The following PFKP variants were observed in gnomAD, a reference collection of about 807,000 sequenced individuals.
The protein encoded by PFKP is ATP-dependent 6-phosphofructokinase, platelet type.
Under a neutral mutation model 94.3 loss-of-function variants are expected in PFKP, and 101 were observed. The ratio of observed to expected loss-of-function variants is 1.07; its 90% CI spans 0.91 to 1.26. The LOEUF (loss-of-function observed/expected upper bound fraction) is 1.26, where lower values mean the gene tolerates loss of function less well. PFKP is among the 50% of genes most tolerant of loss of function. The pLI, the probability that PFKP is intolerant of heterozygous loss-of-function variation, is 0.00. For missense variants in PFKP, 1,145 were observed against 1,103.3 expected, an observed-to-expected ratio of 1.04 and a Z score of -0.53; for synonymous variants, 573 against 432.6, an observed-to-expected ratio of 1.32 and a Z score of -4.03.
intron 2 of PFKP, among the ~76,000 whole-genome samples, chr10:3,087,343 A>G (rs1000300602): frequency 6.6e-6 from 1 of 152,060 alleles, no homozygotes. Flanking sequence ...AGGCCCATCC[A>G]TGTGACTCCA....
intron 2 of PFKP, among the ~76,000 whole-genome samples, chr10:3,083,022 T>A (rs2131425733): frequency 6.6e-6 from 1 of 152,370 alleles, no homozygotes; most frequent in African/African-American, 2.4e-5. Flanking sequence ...CAAAAGGCCA[T>A]GTTGATATCA....
intron 16 of PFKP, among the ~76,000 whole-genome samples, chr10:3,127,745 CCTG>C: frequency 6.6e-6 from 1 of 152,132 alleles, no homozygotes; most frequent in Non-Finnish European, 1.5e-5. Flanking sequence ...CTTCCCATTG[CCTG>C]TTTCTCTCCC....
At chr10:3,102,546 T>A (rs1835121509) in intron 4 of PFKP, among the ~76,000 whole-genome samples, 1 of 152,068 alleles carries the variant, frequency 6.6e-6, no homozygotes, top group South Asian at 2.1e-4. Flanking sequence ...CCCAAGCAGC[T>A]GGGATTACAG....
chr10:3,099,389 TAG>T, intron 3 of PFKP, 37 bp downstream of exon 3: 1 of 1,498,708 alleles, frequency 6.7e-7, no homozygotes. Flanking sequence ...TTCTCTGAGT[TAG>T]AGACTCTTTT....
intron 2 of PFKP, among the ~76,000 whole-genome samples, chr10:3,093,638 C>CTTTTTTTTTTT (rs765547765): frequency 1.4e-4 from 13 of 94,062 alleles, no homozygotes; most frequent in African/African-American, 6.1e-4. Flanking sequence ...CAAGCATTAT[C>CTTTTTTTTTTT]TTTTTTTTTT....
chr10:3,109,895 GA>G lies in PFKP; in HGVS notation c.1089+416del, dbSNP rs1200022555. On this transcript the variant is annotated intron_variant, in intron 10 of 21. Transcript: ENST00000381125. ...GGGCGTGAGAGAGACCCATGGGGCA[GA>G]GGGGGCAGGGAGGCAGGGAGGCGGG... Among the ~76,000 whole-genome samples, 4 of 151,796 alleles carry G rather than the reference GA, an allele frequency of 2.6e-5. No individual in the cohort carries two copies. The South Asian group carries it at 6.3e-4, about 24-fold the overall frequency.
intron 21 of PFKP, 83 bp from the exon 22 acceptor site, chr10:3,136,367 A>G (rs1839340107): frequency 2.0e-6 from 3 of 1,471,250 alleles, no homozygotes; most frequent in East Asian, 2.3e-5. Flanking sequence ...GTTTCTGGCA[A>G]GACCGCTCGC....
At chr10:3,073,811 C>T (rs1335131188) in intron 1 of PFKP, among the ~76,000 whole-genome samples, 1 of 151,590 alleles carries the variant, frequency 6.6e-6, no homozygotes, top group Non-Finnish European at 1.5e-5. Context: ...GATTTTATTT[C>T]TGTGTGTGTG....
chr10:3,110,359 T>C (rs953844825), intron 10 of PFKP, among the ~76,000 whole-genome samples: 5 of 131,166 alleles, frequency 3.8e-5, no homozygotes, highest in Admixed American at 2.5e-4. Context: ...CCACCACGCC[T>C]GGCTAATTTT....
rs575081660 is a variant in PFKP, at chr10:3,129,780, G to C, written c.1684-39G>C. 216 of 1,608,508 alleles carry C rather than the reference G, an allele frequency of 1.3e-4. 1 individual carries two copies. In the South Asian group the frequency reaches 2.3e-3, roughly 17 times the overall value. Reference sequence around the variant, plus strand: ...GCTCTGGGATGGTGGGCGCGCCCCGGGCCTGGGCTGGAGTGACTGATCGCT... The same window carrying C: ...GCTCTGGGATGGTGGGCGCGCCCCGCGCCTGGGCTGGAGTGACTGATCGCT... On this transcript the variant is annotated intron_variant, in intron 16 of 21. Coordinates refer to ENST00000381125, the MANE Select transcript of PFKP (RefSeq NM_002627.5).
At chr10:3,100,053 T>TTTG (rs1834841645) in intron 3 of PFKP, among the ~76,000 whole-genome samples, 1 of 124,312 alleles carries the variant, frequency 8.0e-6, no homozygotes, top group Non-Finnish European at 1.6e-5. Flanking sequence ...TGTGTAGGTG[T>TTTG]GTGGTGTGTG....
intron 9 of PFKP, among the ~76,000 whole-genome samples, chr10:3,109,118 C>A (rs910055688): frequency 1.3e-5 from 2 of 152,182 alleles, no homozygotes; most frequent in African/African-American, 4.8e-5. Context: ...GCAGGAATCC[C>A]AAGTACAAAC....
At chr10:3,092,229 C>A (rs1281526019) in intron 2 of PFKP, among the ~76,000 whole-genome samples, 1 of 152,230 alleles carries the variant, frequency 6.6e-6, no homozygotes, top group Non-Finnish European at 1.5e-5. Flanking sequence ...ATCTTAGCTT[C>A]CCTTGTTTCA....
chr10:3,077,175 G>A (rs1023768347), intron 1 of PFKP, among the ~76,000 whole-genome samples: 2 of 151,480 alleles, frequency 1.3e-5, no homozygotes, highest in Admixed American at 1.3e-4. Flanking sequence ...GAGGCAGGGA[G>A]CTTTATTACT....
intron 1 of PFKP, among the ~76,000 whole-genome samples, chr10:3,081,016 G>C (rs1833026416): frequency 6.6e-6 from 1 of 152,200 alleles, no homozygotes; most frequent in African/African-American, 2.4e-5. Flanking sequence ...ATGGCCACTA[G>C]TTAATCAGTA....
intron 10 of PFKP, among the ~76,000 whole-genome samples, chr10:3,110,914 TTG>T (rs879664010): frequency 1.3e-5 from 2 of 150,670 alleles, no homozygotes; most frequent in South Asian, 4.2e-4. Flanking sequence ...GCATGCATGT[TTG>T]TACGTGTGTG....
In PFKP at chr10:3,116,483, C is replaced by T. The variant is rs377034807; in HGVS notation, c.1372-293C>T. ...ATCATGTTACTTTTCTTTTAGTTGC[C>T]GGTGGCGGGATACGGTGAGCTGATG... On this transcript the variant is annotated intron_variant, in intron 13 of 21. Coordinates refer to ENST00000381125, the MANE Select transcript of PFKP (RefSeq NM_002627.5). Among the ~76,000 whole-genome samples the T allele has an allele frequency of 6.6e-5, 10 of 152,040 alleles. No individual in the cohort carries two copies. In the South Asian group the frequency reaches 8.3e-4, roughly 13 times the overall value.
intron 4 of PFKP, 78 bp downstream of exon 4, chr10:3,101,632 C>A: frequency 9.5e-7 from 1 of 1,050,454 alleles, no homozygotes; most frequent in Non-Finnish European, 1.3e-6. Flanking sequence ...TTTCCCTCTT[C>A]ACTGTGGCAG....
At chr10:3,081,710 TATGATACATTGTAAGCAGACTTATATG>T (rs1238930115) in intron 1 of PFKP, among the ~76,000 whole-genome samples, 9 of 152,216 alleles carry the variant, frequency 5.9e-5, no homozygotes, top group South Asian at 4.2e-4. Flanking sequence ...CTAACAGACT[TATGATACATTGTAAGCAGACTTATATG>T]ATGATACATT....
Sources: allele counts gnomAD v4.1 joint callset (sites outside exome capture counted in the v4.1 genomes callset), GRCh38; gene constraint gnomAD v4.1.1; transcripts MANE v1.5; gene names NCBI Gene and HGNC (gene_info 2026-07-23, HGNC 2026-07-21).